The following FGF23 variants were observed in gnomAD, a reference collection of about 807,000 sequenced individuals.
FGF23 encodes phosphatonin.
Under a neutral mutation model 9.0 loss-of-function variants are expected in FGF23, and 8 were observed. The observed-to-expected ratio is 0.89, with a 90% CI of 0.52 to 1.60. FGF23 has a LOEUF of 1.60. Among genes scored for constraint, FGF23 ranks in the 40% most tolerant of loss-of-function variants. The pLI, the probability that FGF23 is intolerant of heterozygous loss-of-function variation, is 0.00. For missense variants in FGF23, 311 were observed against 344.3 expected (o/e 0.90, Z 0.77); for synonymous variants, 118 against 146.2 (o/e 0.81, Z 1.39).
chr12:4,372,434 A>G (rs919794406), intron 2 of FGF23, among the ~76,000 whole-genome samples, 160 bp downstream of exon 2: 1 of 152,178 alleles, frequency 6.6e-6, no homozygotes, highest in Non-Finnish European at 1.5e-5. Context: ...AAACGTGAGC[A>G]TTCACGTTTA....
chr12:4,370,330 C>T lies in FGF23; in HGVS notation c.*13G>A. ...CTGAGGGATGGGTTAAAGAGGGTGC[C>T]CTTCCAGCGACCCTAGATGAACTTG... On this transcript the variant is annotated 3_prime_UTR_variant, in exon 3 of 3. Coordinates refer to ENST00000237837, the MANE Select transcript of FGF23 (RefSeq NM_020638.3). The T allele has an allele frequency of 6.2e-7, 1 of 1,611,756 alleles. No homozygotes were observed. Among genetic ancestry groups the T allele is most frequent in the Non-Finnish European group, 8.5e-7 (1 of 1,179,374 alleles).
chr12:4,371,727 T>G (rs983245997), intron 2 of FGF23, among the ~76,000 whole-genome samples: 9 of 152,220 alleles, frequency 5.9e-5, no homozygotes, highest in Non-Finnish European at 1.0e-4. Context: ...TCTATTCCAC[T>G]TCGCTTTTTC....
chr12:4,377,284 A>G (rs1865126743), intron 1 of FGF23, among the ~76,000 whole-genome samples: 1 of 152,120 alleles, frequency 6.6e-6, no homozygotes, highest in African/African-American at 2.4e-5. Context: ...GTCTTTAAGG[A>G]GTTCCTTTCA....
At chr12:4,377,387 T>A (rs1865127923) in intron 1 of FGF23, among the ~76,000 whole-genome samples, 1 of 148,674 alleles carries the variant, frequency 6.7e-6, no homozygotes, top group African/African-American at 2.5e-5. Context: ...TAATTTACCA[T>A]AATCTACTAT....
intron 1 of FGF23, among the ~76,000 whole-genome samples, chr12:4,373,022 T>G (rs1350524201): frequency 6.6e-6 from 1 of 152,206 alleles, no homozygotes; most frequent in African/African-American, 2.4e-5. Context: ...CCCTTTTGCC[T>G]TACTAATACC....
At chr12:4,373,615 G>T (rs895676831) in intron 1 of FGF23, among the ~76,000 whole-genome samples, 2 of 152,102 alleles carry the variant, frequency 1.3e-5, no homozygotes, top group African/African-American at 4.8e-5. Context: ...TCCGACAAGG[G>T]CCTGAAACCC....
In FGF23 at chr12:4,377,030, A is replaced by G. The variant is rs151153911; in HGVS notation, c.211+2342T>C. On this transcript the variant is annotated intron_variant, in intron 1 of 2. Coordinates refer to ENST00000237837, the MANE Select transcript of FGF23 (RefSeq NM_020638.3). ...CAATGTTTAGCTAGTGCCTATGTCT[A>G]AGGAAACAAAATCACATTTCTATTT... Among the ~76,000 whole-genome samples, 30 of 152,270 alleles carry G rather than the reference A, an allele frequency of 2.0e-4. No individual in the cohort carries two copies. In the East Asian group the frequency reaches 5.8e-3, roughly 29 times the overall value.
chr12:4,378,663 A>C (rs530208098), intron 1 of FGF23, among the ~76,000 whole-genome samples: 18 of 152,186 alleles, frequency 1.2e-4, no homozygotes, highest in Non-Finnish European at 2.4e-4. Flanking sequence ...ACAGAGAAGA[A>C]TCACCAACTC....
chr12:4,370,237 C>A lies in FGF23; in HGVS notation c.*106G>T. The A allele has an allele frequency of 8.5e-7, 1 of 1,172,030 alleles. No homozygotes were observed. Among genetic ancestry groups the A allele is most frequent in the Non-Finnish European group, 1.3e-6 (1 of 796,482 alleles). The allele number at this position is 1,172,030 out of a possible 1,614,324, so 72.6% of individuals were successfully genotyped here. A position where few individuals can be genotyped will look rare whatever the true frequency, so the allele number is the denominator to read the frequency against. On this transcript the variant is annotated 3_prime_UTR_variant, in exon 3 of 3. Coordinates refer to ENST00000237837, the MANE Select transcript of FGF23 (RefSeq NM_020638.3). ...CCCCAGAGAAGCAGCAAATTCCATA[C>A]ATGCCCCTGTCACCTTTCCCATCCT...
chr12:4,377,468 T>C (rs1865129990), intron 1 of FGF23, among the ~76,000 whole-genome samples: 1 of 129,910 alleles, frequency 7.7e-6, no homozygotes, highest in Non-Finnish European at 1.6e-5. Flanking sequence ...TCTCGCTCTG[T>C]CACCCAGGCT....
chr12:4,372,733 C>T (rs771244854), intron 1 of FGF23, 36 bp from the exon 2 acceptor site: 1 of 1,346,958 alleles, frequency 7.4e-7, no homozygotes, highest in Non-Finnish European at 1.1e-6. Context: ...AGACTCATTG[C>T]CATCCAATTC....
At chr12:4,373,040 G>A (rs755656677) in intron 1 of FGF23, among the ~76,000 whole-genome samples, 1 of 152,138 alleles carries the variant, frequency 6.6e-6, no homozygotes, top group Non-Finnish European at 1.5e-5. Context: ...ACCTTTGAAT[G>A]TTTGTGGTGA....
intron 1 of FGF23, among the ~76,000 whole-genome samples, chr12:4,377,555 C>T (rs1459977635): frequency 6.7e-6 from 1 of 148,668 alleles, no homozygotes; most frequent in East Asian, 2.0e-4. Flanking sequence ...CTCAGCCTCC[C>T]AAGTAGCTGG....
In FGF23 at chr12:4,379,265, C is replaced by G. The variant is rs1468589073; in HGVS notation, c.211+107G>C. Reference sequence around the variant, plus strand: ...CAATAAGTGGTTCCTGGGCAGAAAGCTAGGAGGGTTGGATTAGCCCTCCAG... The same window carrying G: ...CAATAAGTGGTTCCTGGGCAGAAAGGTAGGAGGGTTGGATTAGCCCTCCAG... On this transcript the variant is annotated intron_variant, in intron 1 of 2. Coordinates refer to ENST00000237837, the MANE Select transcript of FGF23 (RefSeq NM_020638.3). The G allele has an allele frequency of 4.3e-6, 4 of 939,960 alleles. No individual in the cohort carries two copies. The East Asian group carries it at 9.6e-5, about 22-fold the overall frequency. The allele number at this position is 939,960 out of a possible 1,614,324, so 58.2% of individuals were successfully genotyped here. A position where few individuals can be genotyped will look rare whatever the true frequency, so the allele number is the denominator to read the frequency against.
In FGF23 at chr12:4,368,374, G is replaced by A. The variant is rs986592547; in HGVS notation, c.*1969C>T. The A allele has an allele frequency of 1.7e-5, 3 of 180,510 alleles. No homozygotes were observed. The highest frequency in any genetic ancestry group is 3.5e-5 in the Non-Finnish European group (3 of 84,668). 11.2% of individuals were successfully genotyped at this position (180,510 alleles called of 1,614,324 possible). ...TTTGCCTTCTCTGGATTTCCCTAAT[G>A]TTCCCCTCCCATAATCCTTTTTATT... On this transcript the variant is annotated 3_prime_UTR_variant, in exon 3 of 3. Coordinates refer to ENST00000237837, the MANE Select transcript of FGF23 (RefSeq NM_020638.3).
intron 1 of FGF23, among the ~76,000 whole-genome samples, chr12:4,377,377 T>C (rs1380285462): frequency 6.7e-6 from 1 of 149,876 alleles, no homozygotes; most frequent in Non-Finnish European, 1.5e-5. Context: ...AGAATCAAAA[T>C]AATTTACCAT....
chr12:4,377,422 CT>C (rs11397562), intron 1 of FGF23, among the ~76,000 whole-genome samples: 1,343 of 69,150 alleles, frequency 0.019, 4 homozygotes, highest in African/African-American at 0.051. Context: ...CACATATAGT[CT>C]TTTTTTTTTT....
At chr12:4,376,012 C>T (rs1865112561) in intron 1 of FGF23, among the ~76,000 whole-genome samples, 1 of 152,092 alleles carries the variant, frequency 6.6e-6, no homozygotes. Flanking sequence ...AGGAGCTCAG[C>T]GGTAATTCAG....
intron 1 of FGF23, among the ~76,000 whole-genome samples, chr12:4,375,977 A>G (rs1865112016): frequency 6.6e-6 from 1 of 152,238 alleles, no homozygotes; most frequent in African/African-American, 2.4e-5. Flanking sequence ...AGCACCTCAA[A>G]AGAAAAACGT....
Sources: gnomAD v4.1 joint callset for allele counts (sites outside exome capture counted in the v4.1 genomes callset) on GRCh38, gnomAD v4.1.1 for gene constraint, MANE v1.5 for transcripts, NCBI Gene and HGNC (gene_info 2026-07-23, HGNC 2026-07-21) for gene names.